Variants in C16orf89 observed in about 807,000 individuals in gnomAD.
C16orf89 encodes UPF0764 protein C16orf89.
A neutral mutation model predicts 41.5 loss-of-function variants in C16orf89; 57 were observed. The ratio of observed to expected loss-of-function variants is 1.38; its 90% CI spans 1.11 to 1.71. C16orf89 has a LOEUF of 1.71. Among genes scored for constraint, C16orf89 ranks in the 40% most tolerant of loss-of-function variants. C16orf89 has a pLI of 0.00. For missense variants in C16orf89, 575 were observed against 445.9 expected (o/e 1.29, Z -2.61); for synonymous variants, 223 against 190.6 (o/e 1.17, Z -1.40).
intron 1 of C16orf89, among the ~76,000 whole-genome samples, chr16:5,064,710 T>G (rs1377294523): frequency 6.6e-6 from 1 of 152,100 alleles, no homozygotes; most frequent in East Asian, 1.9e-4. Flanking sequence ...GCAAGATTAT[T>G]GAGAGGAGAA....
intron 6 of C16orf89, among the ~76,000 whole-genome samples, chr16:5,051,898 A>T (rs1269885738): frequency 3.3e-5 from 5 of 152,084 alleles, no homozygotes; most frequent in Non-Finnish European, 2.9e-5. Flanking sequence ...CCAGGGGCTC[A>T]AGACCAGCTT....
intron 6 of C16orf89, among the ~76,000 whole-genome samples, chr16:5,052,941 A>G (rs1053362770): frequency 6.6e-6 from 1 of 152,238 alleles, no homozygotes; most frequent in African/African-American, 2.4e-5. Flanking sequence ...GTACTATTTC[A>G]CCATAAAAAT....
intron 5 of C16orf89, chr16:5,055,679 C>T: frequency 1.3e-6 from 2 of 1,534,422 alleles, no homozygotes; most frequent in Non-Finnish European, 8.7e-7. Flanking sequence ...GGTCTGTCTG[C>T]CAGTCACCTG....
intron 5 of C16orf89, chr16:5,055,771 GCC>G (rs1956487126): frequency 6.6e-7 from 1 of 1,513,168 alleles, no homozygotes; most frequent in African/African-American, 1.4e-5. Flanking sequence ...AATACAGGAT[GCC>G]CAGTTACATT....
downstream of C16orf89, chr16:5,043,662 CT>C (rs1236899062): frequency 2.0e-5 from 3 of 152,204 alleles, no homozygotes; most frequent in African/African-American, 7.2e-5. Flanking sequence ...CCTTCTCCCA[CT>C]GGGAAAGATA....
At chr16:5,044,051 G>A (rs1956246952), downstream of C16orf89, 2 of 887,882 alleles carry the variant, frequency 2.3e-6, no homozygotes, top group African/African-American at 3.5e-5. Context: ...GAGTGGGATT[G>A]GAGAGTTGAA....
intron 6 of C16orf89, among the ~76,000 whole-genome samples, chr16:5,054,063 C>G (rs1272291157): frequency 6.6e-6 from 1 of 152,218 alleles, no homozygotes; most frequent in African/African-American, 2.4e-5. Context: ...AGCTATACAT[C>G]TGGAGGCCTA....
chr16:5,060,176 C>A, intron 3 of C16orf89, 110 bp downstream of exon 3: 4 of 1,351,610 alleles, frequency 3.0e-6, no homozygotes, highest in Non-Finnish European at 4.0e-6. Context: ...CCTGTGTCTG[C>A]ACAAACCCCT....
rs754446339 is a variant in C16orf89, at chr16:5,047,974, G to C, written c.869-10C>G. The C allele has an allele frequency of 3.4e-6, 5 of 1,468,364 alleles. No individual in the cohort carries two copies. The East Asian group carries it at 6.8e-5, about 20-fold the overall frequency. 91.0% of individuals were successfully genotyped at this position (1,468,364 alleles called of 1,614,324 possible). The stretch of plus-strand genomic sequence containing the variant: ...TCTTCATCTTCAGCATCTGGGAGAA[G>C]AGCAAAAGTTGAACTTCTCAAGAGA... On this transcript the variant is annotated splice_polypyrimidine_tract_variant and intron_variant, in intron 6 of 7. Transcript: ENST00000472572.
downstream of C16orf89, chr16:5,043,999 T>TAAAA: frequency 5.3e-6 from 2 of 376,592 alleles, no homozygotes; most frequent in Non-Finnish European, 7.1e-6. Flanking sequence ...ATCTATTAAT[T>TAAAA]AAAAAAAAAA....
In C16orf89 at chr16:5,055,423, A is replaced by C. The variant is rs1956477655; in HGVS notation, c.764-73T>G. Reference sequence around the variant, plus strand: ...CCTCCTCCCACTCCCCAGGGCTGCCACGGTGCCACCTGCCTTCATCTGCCT... The same window carrying C: ...CCTCCTCCCACTCCCCAGGGCTGCCCCGGTGCCACCTGCCTTCATCTGCCT... On this transcript the variant is annotated intron_variant, in intron 5 of 7. Coordinates refer to ENST00000472572, the MANE Select transcript of C16orf89 (RefSeq NM_001098514.3). The C allele has an allele frequency of 5.9e-6, 8 of 1,358,208 alleles. No homozygotes were observed. The South Asian group carries it at 1.0e-4, about 17-fold the overall frequency. 84.1% of individuals were successfully genotyped at this position (1,358,208 alleles called of 1,614,324 possible).
rs77159248 is a variant in C16orf89, at chr16:5,060,117, C to T, written c.509+169G>A. 3.7e-3 allele frequency: 2,836 copies of T among 761,340 alleles called. 41 individuals are homozygous for T. In the African/African-American group the frequency reaches 0.042, roughly 11 times the overall value. 47.2% of individuals were successfully genotyped at this position (761,340 alleles called of 1,614,324 possible). On this transcript the variant is annotated intron_variant, in intron 3 of 7. Transcript: ENST00000472572. ...CAGCGGGCGGCTGGAGCAAGGGGGA[C>T]CCTGCTGGAGTAGGAGAGGGCAGTA... is the stretch of plus-strand genomic sequence containing the variant.
At chr16:5,046,256 C>T (rs1350464671) in intron 7 of C16orf89, among the ~76,000 whole-genome samples, 1 of 152,166 alleles carries the variant, frequency 6.6e-6, no homozygotes, top group Non-Finnish European at 1.5e-5. Flanking sequence ...AATCATATAC[C>T]CACATATGTT....
chr16:5,057,704 T>G (rs1327421693), intron 4 of C16orf89, among the ~76,000 whole-genome samples: 3 of 151,820 alleles, frequency 2.0e-5, no homozygotes, highest in Admixed American at 2.0e-4. Flanking sequence ...AATTTTTGTA[T>G]TTTTAGTAGA....
At chr16:5,057,834 C>G (rs537342972) in intron 4 of C16orf89, among the ~76,000 whole-genome samples, 3 of 151,754 alleles carry the variant, frequency 2.0e-5, no homozygotes, top group Non-Finnish European at 4.4e-5. Context: ...CGGCCTCATT[C>G]ATTTGTTTTT....
At chr16:5,050,107 C>G (rs560261727) in intron 6 of C16orf89, among the ~76,000 whole-genome samples, 8 of 152,130 alleles carry the variant, frequency 5.3e-5, no homozygotes, top group Non-Finnish European at 1.2e-4. Context: ...GTGGCTCATG[C>G]CTGTAATCCC....
intron 6 of C16orf89, among the ~76,000 whole-genome samples, chr16:5,050,563 A>G (rs1042530800): frequency 2.0e-5 from 3 of 152,236 alleles, no homozygotes; most frequent in African/African-American, 7.2e-5. Flanking sequence ...CCAAATATTT[A>G]AAGAACAAAT....
chr16:5,043,465 G>C (rs1427423949), downstream of C16orf89: 1 of 152,164 alleles, frequency 6.6e-6, no homozygotes, highest in Non-Finnish European at 1.5e-5. Context: ...AGGCAGCCTG[G>C]CCACAGAACC....
chr16:5,055,660 G>A, intron 5 of C16orf89: 2 of 1,527,488 alleles, frequency 1.3e-6, no homozygotes, highest in East Asian at 2.4e-5. Context: ...TCATCCATAA[G>A]GCTTTGTGGG....
Sources: allele counts gnomAD v4.1 joint callset (sites outside exome capture counted in the v4.1 genomes callset), GRCh38; gene constraint gnomAD v4.1.1; transcripts MANE v1.5; gene names NCBI Gene and HGNC (gene_info 2026-07-23, HGNC 2026-07-21).